Variants in PCDHGA1 observed in about 807,000 individuals in gnomAD.
The protein encoded by PCDHGA1 is protocadherin gamma subfamily A, 1.
PCDHGA1 carries 32 observed loss-of-function variants against 58.0 expected under a neutral mutation model. The ratio of observed to expected loss-of-function variants is 0.55; its 90% CI spans 0.42 to 0.74. PCDHGA1 has a LOEUF of 0.74. Ranked by LOEUF, PCDHGA1 falls within the 30% of genes least tolerant of loss-of-function variation. PCDHGA1 has a pLI of 0.00. For missense variants in PCDHGA1, 1,205 were observed against 1,182.3 expected, an observed-to-expected ratio of 1.02 and a Z score of -0.28; for synonymous variants, 498 against 501.1, an observed-to-expected ratio of 0.99 and a Z score of 0.08.
At chr5:141,355,356 G>C in intron 1 of PCDHGA1, 2 of 1,614,044 alleles carry the variant, frequency 1.2e-6, no homozygotes, top group South Asian at 2.2e-5. Context: ...CCAAGGACCT[G>C]GGGTTGGCGC....
Position 141,410,843 on chromosome 5 carries a change from CTT to C in PCDHGA1, c.2421+77740_2421+77741del, listed in dbSNP as rs1452086070. 5.3e-4 allele frequency: 115 copies of C among 216,326 alleles called. 1 individual carries two copies. In the East Asian group the frequency reaches 7.7e-3, roughly 14 times the overall value. 13.4% of individuals were successfully genotyped at this position (216,326 alleles called of 1,614,324 possible). A position where few individuals can be genotyped will look rare whatever the true frequency, so the allele number is the denominator to read the frequency against. The stretch of plus-strand genomic sequence containing the variant: ...TGTCACCAGACTGAAGATATTTTGT[CTT>C]TGTCTTTTTTTTTTTTTTTTTTTTT... On this transcript the variant is annotated intron_variant, in intron 1 of 3. Transcript: ENST00000517417.
rs560582745 is a variant in PCDHGA1 at position 141,399,792 on chromosome 5, A to C, written c.2421+66687A>C. On this transcript the variant is annotated intron_variant, in intron 1 of 3. Transcript: ENST00000517417. ...TGGTGGGCGACCGAAACGACAACGCACCGCGGGTGCTGTACCCCGCGCTGG... is the reference window on the plus strand; with the variant it reads ...TGGTGGGCGACCGAAACGACAACGCCCCGCGGGTGCTGTACCCCGCGCTGG... 8 of 1,613,146 alleles carry C rather than the reference A, an allele frequency of 5.0e-6. No homozygotes were observed. The South Asian group carries it at 8.8e-5, about 18-fold the overall frequency.
Position 141,476,239 on chromosome 5 carries a change from A to T in PCDHGA1, c.2422-18568A>T. ...TTCACTATGAGATCCCGGAGGAAAG[A>T]GAGAAGGGTTTCGCTGTGGGCAACG... is the stretch of plus-strand genomic sequence containing the variant. On this transcript the variant is annotated intron_variant, in intron 1 of 3. Coordinates refer to ENST00000517417, the MANE Select transcript of PCDHGA1 (RefSeq NM_018912.3). This position sits in a 1 kb window ranked among gnomAD's most constrained non-coding sequence, Gnocchi z 7.6. 1 of 1,613,826 alleles carries T rather than the reference A, an allele frequency of 6.2e-7. No homozygotes were observed. Among genetic ancestry groups the T allele is most frequent in the Non-Finnish European group, 8.5e-7 (1 of 1,179,996 alleles).
chr5:141,375,800 A>C, intron 1 of PCDHGA1: 1 of 1,614,162 alleles, frequency 6.2e-7, no homozygotes, highest in Non-Finnish European at 8.5e-7. Context: ...AGACGGTTCC[A>C]CTGGCGTGGA....
At chr5:141,347,301 G>A (rs531042035) in intron 1 of PCDHGA1, among the ~76,000 whole-genome samples, 1 of 151,914 alleles carries the variant, frequency 6.6e-6, no homozygotes, top group East Asian at 1.9e-4. Flanking sequence ...CTACAGGCAC[G>A]AGCCACCCTC....
intron 1 of PCDHGA1, chr5:141,404,821 A>C: frequency 6.2e-7 from 1 of 1,613,788 alleles, no homozygotes; most frequent in Non-Finnish European, 8.5e-7. Flanking sequence ...GGCTGCACAC[A>C]GGTGAAGTGC....
intron 1 of PCDHGA1, among the ~76,000 whole-genome samples, chr5:141,348,109 T>C (rs1451783142): frequency 2.0e-5 from 3 of 152,242 alleles, no homozygotes; most frequent in Admixed American, 6.5e-5. Flanking sequence ...ATTCTGCAAT[T>C]TATGAAATTA....
Position 141,491,663 on chromosome 5 carries a change from T to G in PCDHGA1, c.2422-3144T>G, listed in dbSNP as rs895604632. ...GCTCTGGCGCTGGAGCCTGACGCCA[T>G]CCGGTCCCGCTCTAATACGCTGCGG... On this transcript the variant is annotated intron_variant, in intron 1 of 3. Coordinates refer to ENST00000517417, the MANE Select transcript of PCDHGA1 (RefSeq NM_018912.3). The surrounding 1 kb of genome is among the most constrained non-coding windows in gnomAD (Gnocchi z 6.9). The G allele has an allele frequency of 3.1e-6, 5 of 1,613,650 alleles. No homozygotes were observed. Among genetic ancestry groups the G allele is most frequent in the Non-Finnish European group, 4.2e-6 (5 of 1,180,014 alleles).
rs775712620 is a variant in PCDHGA1, at chr5:141,491,341, G to T, written c.2422-3466G>T. 1 of 1,613,982 alleles carries T rather than the reference G, an allele frequency of 6.2e-7. No homozygotes were observed. The highest frequency in any genetic ancestry group is 8.5e-7 in the Non-Finnish European group (1 of 1,180,016). ...TTACCTCATTGTGGCTCTAGCGACC[G>T]TCAGTCTCTTATCCCTAGTCACCTT... On this transcript the variant is annotated intron_variant, in intron 1 of 3. Coordinates refer to ENST00000517417, the MANE Select transcript of PCDHGA1 (RefSeq NM_018912.3). The surrounding 1 kb of genome is among the most constrained non-coding windows in gnomAD (Gnocchi z 6.9).
At chr5:141,356,548 C>G in intron 1 of PCDHGA1, 1 of 1,614,130 alleles carries the variant, frequency 6.2e-7, no homozygotes, top group Non-Finnish European at 8.5e-7. Context: ...TGACAACCCA[C>G]CCACTTTCCC....
intron 1 of PCDHGA1, among the ~76,000 whole-genome samples, chr5:141,353,347 CATTA>C (rs1036670182): frequency 5.9e-5 from 9 of 152,262 alleles, no homozygotes; most frequent in African/African-American, 1.9e-4. Flanking sequence ...TCATCAATTA[CATTA>C]ATTATGTAAT....
At position 141,387,642 on chromosome 5, in the gene PCDHGA1, C is replaced by A. The variant is rs554256672; in HGVS notation, c.2421+54537C>A. The A allele has an allele frequency of 6.9e-5, 43 of 622,250 alleles. No homozygotes were observed. In the African/African-American group the frequency reaches 7.8e-4, roughly 11 times the overall value. 38.5% of individuals were successfully genotyped at this position (622,250 alleles called of 1,614,324 possible). On this transcript the variant is annotated intron_variant, in intron 1 of 3. Transcript: ENST00000517417. ...TGCTGACTCTGGGCGCCGCTGTTGG[C>A]CAAAGTGGAGAGCTTGGCGCTCCAG...
rs1357530807 is a variant in PCDHGA1, at chr5:141,365,228, G to A, written c.2421+32123G>A. On this transcript the variant is annotated intron_variant, in intron 1 of 3. Coordinates refer to ENST00000517417, the MANE Select transcript of PCDHGA1 (RefSeq NM_018912.3). ...TTTCCAACTTGATTCCAACCTGGGG[G>A]AAATCTCAACTCTACAATCACTGGA... 2.5e-6 allele frequency: 4 copies of A among 1,613,942 alleles called. No homozygotes were observed. In the South Asian group the frequency reaches 3.3e-5, roughly 13 times the overall value.
At chr5:141,371,755 A>T (rs752277488) in intron 1 of PCDHGA1, 3 of 1,614,030 alleles carry the variant, frequency 1.9e-6, no homozygotes, top group South Asian at 1.1e-5. Flanking sequence ...GTTTTCCACC[A>T]GGCCTCCTAC....
At chr5:141,483,648 TTGTGTGTGTG>T (rs111458813) in intron 1 of PCDHGA1, among the ~76,000 whole-genome samples, 35 of 149,708 alleles carry the variant, frequency 2.3e-4, no homozygotes, top group Non-Finnish European at 4.6e-4. Flanking sequence ...GGGTGTGTGT[TTGTGTGTGTG>T]TGTGTGTGTG....
intron 1 of PCDHGA1, among the ~76,000 whole-genome samples, chr5:141,448,434 GA>G (rs1297090877): frequency 1.3e-5 from 2 of 152,050 alleles, no homozygotes; most frequent in South Asian, 4.2e-4. Flanking sequence ...TATATATTGA[GA>G]AGTCTGACTT....
chr5:141,439,904 C>T (rs1175032042), intron 1 of PCDHGA1: 2 of 152,364 alleles, frequency 1.3e-5, no homozygotes, highest in East Asian at 1.9e-4. Context: ...GCGACTACTG[C>T]CTCCTTTCCT....
At chr5:141,380,894 AT>A (rs1776829006) in intron 1 of PCDHGA1, among the ~76,000 whole-genome samples, 1 of 152,262 alleles carries the variant, frequency 6.6e-6, no homozygotes, top group Admixed American at 6.5e-5. Context: ...TTGTTTGAAA[AT>A]ATCTACAAGT....
intron 1 of PCDHGA1, chr5:141,372,011 G>C (rs759270061): frequency 6.2e-7 from 1 of 1,613,176 alleles, no homozygotes; most frequent in Non-Finnish European, 8.5e-7. Context: ...ACCAGGGCTC[G>C]CCTACGCTCA....
Sources: gnomAD v4.1 joint callset for allele counts (sites outside exome capture counted in the v4.1 genomes callset) on GRCh38, gnomAD v4.1.1 for gene constraint, Gnocchi (gnomAD v3.1) non-coding constraint, MANE v1.5 for transcripts, NCBI Gene and HGNC (gene_info 2026-07-23, HGNC 2026-07-21) for gene names.